GPR39: variants seen among roughly 807,000 people sequenced by gnomAD.
GPR39 encodes zinc sensing receptor.
A neutral mutation model predicts 18.4 loss-of-function variants in GPR39; 23 were observed. The observed-to-expected ratio is 1.25, with a 90% CI of 0.90 to 1.77. The LOEUF (loss-of-function observed/expected upper bound fraction) is 1.77, where lower values mean the gene tolerates loss of function less well. Ranked by LOEUF, GPR39 falls within the 40% of genes most tolerant of loss-of-function variation. The pLI is 0.00. For missense variants in GPR39, 647 were observed against 602.4 expected, an observed-to-expected ratio of 1.07 and a Z score of -0.78; for synonymous variants, 280 against 257.9, an observed-to-expected ratio of 1.09 and a Z score of -0.82.
intron 1 of GPR39, among the ~76,000 whole-genome samples, chr2:132,511,998 C>T (rs1679250066): frequency 6.6e-6 from 1 of 152,132 alleles, no homozygotes; most frequent in Non-Finnish European, 1.5e-5. Flanking sequence ...ACCCCCAGTC[C>T]CCAATCCCCA....
At chr2:132,422,194 C>T (rs1680024840) in intron 1 of GPR39, among the ~76,000 whole-genome samples, 1 of 152,026 alleles carries the variant, frequency 6.6e-6, no homozygotes, top group Non-Finnish European at 1.5e-5. Flanking sequence ...TTTAAATCAC[C>T]CTCATGGAAG....
chr2:132,504,082 A>G (rs1332492541), intron 1 of GPR39, among the ~76,000 whole-genome samples: 1 of 152,192 alleles, frequency 6.6e-6, no homozygotes, highest in Non-Finnish European at 1.5e-5. Flanking sequence ...CTGCAGGGGT[A>G]ATCCAGTTTC....
intron 1 of GPR39, among the ~76,000 whole-genome samples, chr2:132,497,692 A>G (rs1247573323): frequency 6.6e-6 from 1 of 152,332 alleles, no homozygotes; most frequent in East Asian, 1.9e-4. Context: ...CCTGGAGTGC[A>G]TATGAATAAA....
intron 1 of GPR39, among the ~76,000 whole-genome samples, chr2:132,579,920 A>G (rs558403501): frequency 6.6e-6 from 1 of 152,320 alleles, no homozygotes; most frequent in South Asian, 2.1e-4. Context: ...CCTAAGGGTT[A>G]TGTGATATTG....
At chr2:132,418,123 C>T (rs1679945624) in intron 1 of GPR39, among the ~76,000 whole-genome samples, 2 of 152,116 alleles carry the variant, frequency 1.3e-5, no homozygotes, top group Non-Finnish European at 2.9e-5. Flanking sequence ...GAAAAGAGCA[C>T]GAGACCAGAA....
At chr2:132,616,619 C>A (rs113710051) in intron 1 of GPR39, among the ~76,000 whole-genome samples, 7 of 152,164 alleles carry the variant, frequency 4.6e-5, no homozygotes, top group Non-Finnish European at 1.0e-4. Flanking sequence ...GGGTCTTCAT[C>A]CATCCAGCTT....
At chr2:132,511,447 T>G (rs1558821577) in intron 1 of GPR39, among the ~76,000 whole-genome samples, 1 of 152,234 alleles carries the variant, frequency 6.6e-6, no homozygotes, top group African/African-American at 2.4e-5. Context: ...ATGTTAAGCT[T>G]GAAATCAGTT....
intron 1 of GPR39, among the ~76,000 whole-genome samples, chr2:132,560,150 C>A (rs1188476020): frequency 1.3e-5 from 2 of 152,182 alleles, no homozygotes; most frequent in South Asian, 2.1e-4. Flanking sequence ...CCTCAACCTC[C>A]AACCGCCCAC....
chr2:132,497,841 AG>A (rs1681676638), intron 1 of GPR39, among the ~76,000 whole-genome samples: 2 of 152,172 alleles, frequency 1.3e-5, no homozygotes, highest in East Asian at 3.9e-4. Flanking sequence ...TGTCTGAAAG[AG>A]AAGGGAATGG....
intron 1 of GPR39, among the ~76,000 whole-genome samples, chr2:132,525,386 C>A (rs1679489367): frequency 6.6e-6 from 1 of 152,166 alleles, no homozygotes. Flanking sequence ...AAGGGATGAT[C>A]ATGCGAGGGA....
chr2:132,511,361 T>C (rs1460038229), intron 1 of GPR39, among the ~76,000 whole-genome samples: 1 of 152,204 alleles, frequency 6.6e-6, no homozygotes, highest in Non-Finnish European at 1.5e-5. Flanking sequence ...TGACTACATA[T>C]TATGAATATT....
intron 1 of GPR39, among the ~76,000 whole-genome samples, chr2:132,617,608 G>A (rs1681360297): frequency 1.3e-5 from 2 of 152,012 alleles, no homozygotes. Flanking sequence ...AATTCTAAGA[G>A]CTTTTCTTAT....
At chr2:132,572,415 CTCCTTTGTTCCCA>C in intron 1 of GPR39, among the ~76,000 whole-genome samples, 1 of 152,098 alleles carries the variant, frequency 6.6e-6, no homozygotes, top group Non-Finnish European at 1.5e-5. Context: ...TGATGGGCTC[CTCCTTTGTTCCCA>C]TCCCCAGTCC....
chr2:132,483,517 C>T (rs1348896072), intron 1 of GPR39, among the ~76,000 whole-genome samples: 1 of 152,234 alleles, frequency 6.6e-6, no homozygotes, highest in Admixed American at 6.5e-5. Flanking sequence ...CTCTATCATT[C>T]AGGCCGTGAT....
intron 1 of GPR39, among the ~76,000 whole-genome samples, chr2:132,434,296 A>G (rs527956451): frequency 1.2e-4 from 18 of 152,306 alleles, no homozygotes; most frequent in African/African-American, 4.3e-4. Context: ...TAAAGCTGCT[A>G]ACTCCTGAGT....
intron 1 of GPR39, among the ~76,000 whole-genome samples, chr2:132,574,807 T>C (rs376041723): frequency 6.6e-6 from 1 of 152,232 alleles, no homozygotes; most frequent in African/African-American, 2.4e-5. Context: ...TTAAAACTTT[T>C]GTAAAAGATA....
intron 1 of GPR39, among the ~76,000 whole-genome samples, chr2:132,531,331 C>T (rs768314578): frequency 6.6e-6 from 1 of 152,204 alleles, no homozygotes; most frequent in African/African-American, 2.4e-5. Flanking sequence ...GCACCCGATA[C>T]AGGAGCATCC....
At chr2:132,610,208 T>G (rs1222615719) in intron 1 of GPR39, among the ~76,000 whole-genome samples, 1 of 152,090 alleles carries the variant, frequency 6.6e-6, no homozygotes, top group Non-Finnish European at 1.5e-5. Flanking sequence ...TCTAAATACT[T>G]ACATGCTTCT....
intron 1 of GPR39, among the ~76,000 whole-genome samples, chr2:132,418,765 C>T (rs964332815): frequency 1.3e-5 from 2 of 152,188 alleles, no homozygotes; most frequent in African/African-American, 4.8e-5. Context: ...TTAATGGAGA[C>T]ACATGAAATG....
Sources: gnomAD v4.1 joint callset for allele counts (sites outside exome capture counted in the v4.1 genomes callset) on GRCh38, gnomAD v4.1.1 for gene constraint, MANE v1.5 for transcripts, NCBI Gene and HGNC (gene_info 2026-07-23, HGNC 2026-07-21) for gene names.